Variants in IDO2 observed in about 807,000 individuals in gnomAD.
IDO2 encodes the protein indoleamine 2,3-dioxygenase-like 1 protein.
In IDO2, 46 loss-of-function variants were observed where a neutral mutation model predicts 45.1. That is an observed-to-expected ratio of 1.02 (90% CI 0.80 to 1.30). The LOEUF is 1.30. IDO2 is among the 50% of genes most tolerant of loss of function. The pLI is 0.00. For synonymous variants in IDO2, 218 were observed against 184.9 expected (o/e 1.18, Z -1.45); for missense variants, 544 against 491.8 (o/e 1.11, Z -1.00).
chr8:40,015,126 G>C (rs1200540235), intron 10 of IDO2, 121 bp from the exon 11 acceptor site: 6 of 638,134 alleles, frequency 9.4e-6, no homozygotes, highest in Admixed American at 3.0e-5. Context: ...CTGCACTCCA[G>C]CCTGGGCAAC....
intron 9 of IDO2, among the ~76,000 whole-genome samples, chr8:40,006,750 T>TC: frequency 6.6e-6 from 1 of 152,096 alleles, no homozygotes; most frequent in Non-Finnish European, 1.5e-5. Flanking sequence ...AACCTCTGCC[T>TC]CCTGGATTCA....
intron 9 of IDO2, among the ~76,000 whole-genome samples, chr8:40,008,538 C>G (rs1800355499): frequency 6.6e-6 from 1 of 152,116 alleles, no homozygotes; most frequent in Non-Finnish European, 1.5e-5. Context: ...GTCCCCTTTG[C>G]CATAATATAT....
intron 1 of IDO2, among the ~76,000 whole-genome samples, chr8:39,936,319 A>C (rs1309771204): frequency 6.6e-6 from 1 of 152,208 alleles, no homozygotes; most frequent in Non-Finnish European, 1.5e-5. Flanking sequence ...AATTCAAGTC[A>C]TTGCAAAATC....
chr8:40,012,650 A>G (rs545920280), intron 9 of IDO2, among the ~76,000 whole-genome samples: 1 of 152,324 alleles, frequency 6.6e-6, no homozygotes, highest in South Asian at 2.1e-4. Context: ...GACACAGGAA[A>G]ATAAGTAAAA....
rs1807526228 is a variant in IDO2 at position 39,935,141 on chromosome 8, T to C, written c.-95T>C. 1.9e-6 allele frequency: 3 copies of C among 1,560,400 alleles called. No homozygotes were observed. Among genetic ancestry groups the C allele is most frequent in the East Asian group, 2.2e-5 (1 of 44,622 alleles). On this transcript the variant is annotated 5_prime_UTR_variant, in exon 1 of 11. It removes an upstream start codon present in the reference 5' UTR. Transcript: ENST00000502986. Reference sequence around the variant, plus strand: ...GGCAATGGACACCTAAAGAACAGAATGAAAACCTTCTTAGGAAATGAAGCT... The same window carrying C: ...GGCAATGGACACCTAAAGAACAGAACGAAAACCTTCTTAGGAAATGAAGCT...
At chr8:39,992,537 C>A (rs540194059) in intron 8 of IDO2, among the ~76,000 whole-genome samples, 2 of 152,114 alleles carry the variant, frequency 1.3e-5, no homozygotes, top group Non-Finnish European at 2.9e-5. Flanking sequence ...TTTTTTCACA[C>A]CTCTATGTTT....
chr8:39,989,678 T>G, intron 7 of IDO2, 43 bp from the exon 8 acceptor site: 1 of 1,360,992 alleles, frequency 7.3e-7, no homozygotes, highest in Non-Finnish European at 1.0e-6. Context: ...GCATGGACTT[T>G]AAGGGAGTGC....
chr8:39,956,755 T>C (rs1291818331), intron 2 of IDO2, among the ~76,000 whole-genome samples: 1 of 145,290 alleles, frequency 6.9e-6, no homozygotes, highest in Non-Finnish European at 1.5e-5. Context: ...CTAAGCCTCA[T>C]AGTAGTCTTG....
At chr8:40,006,835 A>G (rs1156846082) in intron 9 of IDO2, among the ~76,000 whole-genome samples, 1 of 151,770 alleles carries the variant, frequency 6.6e-6, no homozygotes, top group Non-Finnish European at 1.5e-5. Flanking sequence ...TAATTCTTGT[A>G]TTTTTAGTAG....
intron 1 of IDO2, among the ~76,000 whole-genome samples, chr8:39,945,634 G>A (rs1807717099): frequency 6.6e-6 from 1 of 152,152 alleles, no homozygotes; most frequent in Non-Finnish European, 1.5e-5. Flanking sequence ...ACCTACAAGG[G>A]TATAACGAGG....
intron 3 of IDO2, among the ~76,000 whole-genome samples, chr8:39,971,961 A>C (rs1483752364): frequency 1.3e-5 from 2 of 152,144 alleles, no homozygotes; most frequent in Non-Finnish European, 2.9e-5. Flanking sequence ...GGTGCCTGCC[A>C]CCATGCCCAC....
chr8:40,004,525 T>TGATAGATAGATAGATAGATA (rs201569450), intron 8 of IDO2, among the ~76,000 whole-genome samples: 56 of 144,516 alleles, frequency 3.9e-4, no homozygotes, highest in Middle Eastern at 7.4e-3. Context: ...GACAGACAGA[T>TGATAGATAGATAGATAGATA]GATAGATAGA....
At chr8:40,001,921 GATAATAA>G (rs1802144028) in intron 8 of IDO2, among the ~76,000 whole-genome samples, 1 of 152,048 alleles carries the variant, frequency 6.6e-6, no homozygotes, top group South Asian at 2.1e-4. Context: ...AAGTAGCTGT[GATAATAA>G]GCATGTGCCA....
At chr8:40,010,342 C>T (rs972077550) in intron 9 of IDO2, among the ~76,000 whole-genome samples, 3 of 152,030 alleles carry the variant, frequency 2.0e-5, no homozygotes, top group African/African-American at 7.2e-5. Context: ...AGCAGGGCCG[C>T]AACACTCAGG....
intron 8 of IDO2, among the ~76,000 whole-genome samples, chr8:39,990,888 T>C (rs1463053266): frequency 1.3e-5 from 2 of 152,230 alleles, no homozygotes; most frequent in East Asian, 3.8e-4. Flanking sequence ...TGGGAGGCTC[T>C]TCAAATTCTT....
intron 8 of IDO2, among the ~76,000 whole-genome samples, chr8:40,001,282 C>T (rs557119658): frequency 3.8e-5 from 5 of 131,988 alleles, no homozygotes; most frequent in South Asian, 2.4e-4. Flanking sequence ...GGCAGAGTCT[C>T]GCTCTGTTGC....
exon 11 of IDO2, chr8:40,015,341 C>A: frequency 6.2e-7 from 1 of 1,613,830 alleles, no homozygotes; most frequent in Non-Finnish European, 8.5e-7. Flanking sequence ...GGGACTACAT[C>A]CTGTCATCTG....
intron 4 of IDO2, among the ~76,000 whole-genome samples, chr8:39,980,869 T>C (rs7017674): frequency 0.82 from 124,642 of 151,666 alleles, 51,497 homozygotes; most frequent in African/African-American, 0.9. Context: ...CCTGACTCAG[T>C]CTCCTGAGTA....
chr8:39,951,761 T>C (rs1807817821), intron 2 of IDO2, among the ~76,000 whole-genome samples: 1 of 152,210 alleles, frequency 6.6e-6, no homozygotes, highest in Non-Finnish European at 1.5e-5. Context: ...AAAGACCAAA[T>C]TGCTCTTATT....
Sources: gnomAD v4.1 joint callset for allele counts (sites outside exome capture counted in the v4.1 genomes callset) on GRCh38, gnomAD v4.1.1 for gene constraint, MANE v1.5 for transcripts, NCBI Gene and HGNC (gene_info 2026-07-23, HGNC 2026-07-21) for gene names.